SLC9A9: variants seen among roughly 807,000 people sequenced by gnomAD.
SLC9A9 encodes the protein solute carrier family 9 member A9.
A neutral mutation model predicts 77.8 loss-of-function variants in SLC9A9; 62 were observed. The ratio of observed to expected loss-of-function variants is 0.80; its 90% CI spans 0.65 to 0.98. SLC9A9 has a LOEUF of 0.98. Among genes scored for constraint, SLC9A9 ranks in the 50% least tolerant of loss-of-function variants. The pLI, the probability that SLC9A9 is intolerant of heterozygous loss-of-function variation, is 0.00. For missense variants in SLC9A9, 775 were observed against 774.9 expected, an observed-to-expected ratio of 1.00 and a Z score of 0.00; for synonymous variants, 320 against 283.5, an observed-to-expected ratio of 1.13 and a Z score of -1.29.
chr3:143,423,288 C>G (rs1240127409), intron 12 of SLC9A9, among the ~76,000 whole-genome samples: 2 of 148,176 alleles, frequency 1.3e-5, no homozygotes, highest in African/African-American at 5.1e-5. Flanking sequence ...CACACACACA[C>G]AGAGTTCCTA....
At chr3:143,642,860 A>G (rs971676210) in intron 6 of SLC9A9, among the ~76,000 whole-genome samples, 1 of 152,090 alleles carries the variant, frequency 6.6e-6, no homozygotes, top group East Asian at 1.9e-4. Flanking sequence ...TGCACTTTTC[A>G]TTTTGAAAAG....
chr3:143,546,106 T>C (rs749284049), intron 9 of SLC9A9, among the ~76,000 whole-genome samples: 10 of 152,232 alleles, frequency 6.6e-5, no homozygotes, highest in Admixed American at 2.6e-4. Flanking sequence ...GACCCAGTTT[T>C]CTAGACTTTC....
At chr3:143,324,045 G>A (rs1050745181) in intron 14 of SLC9A9, among the ~76,000 whole-genome samples, 4 of 152,002 alleles carry the variant, frequency 2.6e-5, no homozygotes, top group Non-Finnish European at 5.9e-5. Flanking sequence ...GGTGGTAGAG[G>A]TAACAATCCA....
At chr3:143,545,582 A>G (rs1039992498) in intron 9 of SLC9A9, among the ~76,000 whole-genome samples, 1 of 152,184 alleles carries the variant, frequency 6.6e-6, no homozygotes, top group African/African-American at 2.4e-5. Context: ...CTTCAGTCAT[A>G]TCCTGAGATG....
chr3:143,570,852 T>G (rs1055925173), intron 8 of SLC9A9, among the ~76,000 whole-genome samples: 1 of 152,150 alleles, frequency 6.6e-6, no homozygotes, highest in Non-Finnish European at 1.5e-5. Flanking sequence ...GTTATTAACA[T>G]GCAATAAGAA....
intron 4 of SLC9A9, among the ~76,000 whole-genome samples, chr3:143,711,568 T>A (rs1452062630): frequency 1.5e-5 from 2 of 137,754 alleles, no homozygotes; most frequent in Non-Finnish European, 3.0e-5. Context: ...CCTGGCTAAT[T>A]TAAAAAAAAA....
chr3:143,663,987 A>C (rs1386364251), intron 5 of SLC9A9, among the ~76,000 whole-genome samples: 1 of 152,146 alleles, frequency 6.6e-6, no homozygotes, highest in African/African-American at 2.4e-5. Flanking sequence ...GAACGCCACA[A>C]AGATACTCCT....
At chr3:143,660,719 A>C (rs188235342) in intron 5 of SLC9A9, among the ~76,000 whole-genome samples, 7 of 152,152 alleles carry the variant, frequency 4.6e-5, no homozygotes, top group African/African-American at 1.7e-4. Flanking sequence ...GCTCCCATAC[A>C]TTTGGTTTTT....
At chr3:143,562,307 T>G (rs910449120) in intron 8 of SLC9A9, among the ~76,000 whole-genome samples, 1 of 152,130 alleles carries the variant, frequency 6.6e-6, no homozygotes, top group Non-Finnish European at 1.5e-5. Flanking sequence ...TGAGGAATGT[T>G]TTCCTGAAAG....
intron 6 of SLC9A9, among the ~76,000 whole-genome samples, chr3:143,647,531 A>C (rs2038725792): frequency 6.6e-6 from 1 of 152,230 alleles, no homozygotes; most frequent in Non-Finnish European, 1.5e-5. Flanking sequence ...TAAAATAAAG[A>C]GTTAAATTAT....
At chr3:143,405,424 A>G (rs1015283034) in intron 12 of SLC9A9, among the ~76,000 whole-genome samples, 3 of 152,086 alleles carry the variant, frequency 2.0e-5, no homozygotes, top group Admixed American at 6.6e-5. Context: ...GGCTGGGCCT[A>G]CTTTTGTGGA....
At chr3:143,433,013 C>T (rs1013887162) in intron 12 of SLC9A9, among the ~76,000 whole-genome samples, 2 of 152,210 alleles carry the variant, frequency 1.3e-5, no homozygotes, top group African/African-American at 2.4e-5. Context: ...CCAATCAGCC[C>T]TGGTGGTGTT....
At position 143,718,854 on chromosome 3, in the gene SLC9A9, AT is replaced by A. The variant is rs534416676; in HGVS notation, c.534-25548del. Among the ~76,000 whole-genome samples, 17 of 152,306 alleles carry A rather than the reference AT, an allele frequency of 1.1e-4. No homozygotes were observed. In the South Asian group the frequency reaches 3.5e-3, roughly 32 times the overall value. ...GACAATTGAATATAAGGTAAAGAGCATTTGACTTGAAATCAGAAACTCGGAG... is the reference window on the plus strand; with the variant it reads ...GACAATTGAATATAAGGTAAAGAGCATTGACTTGAAATCAGAAACTCGGAG... On this transcript the variant is annotated intron_variant, in intron 4 of 15. Transcript: ENST00000316549.
At chr3:143,699,995 C>T (rs1253447937) in intron 4 of SLC9A9, among the ~76,000 whole-genome samples, 2 of 151,870 alleles carry the variant, frequency 1.3e-5, no homozygotes, top group African/African-American at 4.8e-5. Context: ...GATATCAGCA[C>T]AGCCACAGTA....
intron 11 of SLC9A9, among the ~76,000 whole-genome samples, chr3:143,484,339 TCTC>T (rs1001928585): frequency 6.6e-6 from 1 of 152,200 alleles, no homozygotes; most frequent in African/African-American, 2.4e-5. Flanking sequence ...TTGTTAACCT[TCTC>T]CTCTGGCTTA....
intron 12 of SLC9A9, among the ~76,000 whole-genome samples, chr3:143,464,941 G>C (rs2035258859): frequency 6.6e-6 from 1 of 152,130 alleles, no homozygotes; most frequent in Non-Finnish European, 1.5e-5. Context: ...TTGGGTCTCT[G>C]GTCTCTTTGG....
chr3:143,831,114 G>GA (rs199971851), intron 2 of SLC9A9, among the ~76,000 whole-genome samples: 59 of 149,012 alleles, frequency 4.0e-4, no homozygotes, highest in South Asian at 1.3e-3. Context: ...TCTTAAAATG[G>GA]AAAAAAAAAG....
intron 8 of SLC9A9, among the ~76,000 whole-genome samples, chr3:143,570,519 A>T (rs2037239959): frequency 6.6e-6 from 1 of 152,202 alleles, no homozygotes; most frequent in South Asian, 2.1e-4. Context: ...ATAAAAATTT[A>T]TATCTCTAGC....
At chr3:143,539,175 A>T (rs533491063) in intron 9 of SLC9A9, among the ~76,000 whole-genome samples, 2 of 152,178 alleles carry the variant, frequency 1.3e-5, no homozygotes, top group African/African-American at 2.4e-5. Context: ...GCTGATTCCA[A>T]TCAAGTCCTT....
Sources: gnomAD v4.1 joint callset for allele counts (sites outside exome capture counted in the v4.1 genomes callset) on GRCh38, gnomAD v4.1.1 for gene constraint, MANE v1.5 for transcripts, NCBI Gene and HGNC (gene_info 2026-07-23, HGNC 2026-07-21) for gene names.